Variants in ZNF385D observed in about 807,000 individuals in gnomAD.
The protein encoded by ZNF385D is zinc finger protein 659.
A neutral mutation model predicts 35.8 loss-of-function variants in ZNF385D; 15 were observed. The observed-to-expected ratio is 0.42, with a 90% CI of 0.28 to 0.64. The LOEUF (loss-of-function observed/expected upper bound fraction) is 0.64, where lower values mean the gene tolerates loss of function less well. ZNF385D is among the 30% of genes least tolerant of loss of function. ZNF385D has a pLI of 0.23. For missense variants in ZNF385D, 474 were observed against 494.6 expected, an observed-to-expected ratio of 0.96 and a Z score of 0.39; for synonymous variants, 212 against 186.8, an observed-to-expected ratio of 1.13 and a Z score of -1.10.
chr3:21,629,386 G>T (rs1347124500), intron 2 of ZNF385D, among the ~76,000 whole-genome samples: 1 of 152,000 alleles, frequency 6.6e-6, no homozygotes, highest in East Asian at 1.9e-4. Context: ...TTTTCTCCAG[G>T]CTTATTTGTC....
chr3:21,720,773 T>C (rs1400312992), intron 1 of ZNF385D, among the ~76,000 whole-genome samples: 1 of 152,240 alleles, frequency 6.6e-6, no homozygotes, highest in Non-Finnish European at 1.5e-5. Flanking sequence ...GTTAACAATA[T>C]GTTTGCCCCA....
At chr3:22,248,232 C>T (rs939106399) in intron 2 of ZNF385D, among the ~76,000 whole-genome samples, 2 of 152,150 alleles carry the variant, frequency 1.3e-5, no homozygotes, top group African/African-American at 4.8e-5. Flanking sequence ...TCACCAATCA[C>T]CTGCAAGGCA....
chr3:21,972,487 A>C (rs1055461772), intron 3 of ZNF385D, among the ~76,000 whole-genome samples: 4 of 152,006 alleles, frequency 2.6e-5, no homozygotes, highest in South Asian at 2.1e-4. Flanking sequence ...AAAAGTGTTA[A>C]AACTTCAAAT....
intron 3 of ZNF385D, among the ~76,000 whole-genome samples, chr3:21,946,732 T>C (rs1701805966): frequency 6.6e-6 from 1 of 152,146 alleles, no homozygotes. Context: ...CTAGGGAGGC[T>C]GAAGCAGGAG....
chr3:21,451,552 C>A (rs1256418279), intron 4 of ZNF385D, among the ~76,000 whole-genome samples: 1 of 151,988 alleles, frequency 6.6e-6, no homozygotes, highest in Non-Finnish European at 1.5e-5. Context: ...TTTTAGAGAT[C>A]CTTATTCTAA....
Position 21,984,574 on chromosome 3 carries a change from T to C in ZNF385D, c.325+184243A>G, listed in dbSNP as rs367748053. 9.1e-3 allele frequency among the ~76,000 whole-genome samples: 1,026 copies of C among 113,106 alleles called. 35 individuals are homozygous for C. The highest frequency in any genetic ancestry group is 0.035 in the African/African-American group (926 of 26,702). The allele number at this position is 113,106 out of a possible 152,430, so 74.2% of individuals were successfully genotyped here. On this transcript the variant is annotated intron_variant, in intron 3 of 5. Coordinates refer to the ZNF385D transcript ENST00000494108. The stretch of plus-strand genomic sequence containing the variant: ...TGCTGTTTTGGTTACTGTAGCCTTG[T>C]AGTATAGTTTGAAGTCAGGTAGTGT...
At chr3:22,126,941 T>G (rs1235713482) in intron 3 of ZNF385D, among the ~76,000 whole-genome samples, 3 of 152,142 alleles carry the variant, frequency 2.0e-5, no homozygotes, top group Non-Finnish European at 4.4e-5. Context: ...CTTTGTCCCT[T>G]TTTTGTGATT....
intron 2 of ZNF385D, among the ~76,000 whole-genome samples, chr3:22,281,882 T>C (rs927621241): frequency 6.6e-6 from 1 of 151,902 alleles, no homozygotes; most frequent in African/African-American, 2.4e-5. Flanking sequence ...CATTTTTTGT[T>C]GGTGGTGGTG....
intron 3 of ZNF385D, among the ~76,000 whole-genome samples, chr3:21,875,824 C>T (rs921815271): frequency 5.5e-5 from 6 of 108,606 alleles, no homozygotes; most frequent in African/African-American, 2.0e-4. Flanking sequence ...CTTATGGAAG[C>T]ACTACTCAAA....
intron 3 of ZNF385D, among the ~76,000 whole-genome samples, chr3:21,772,731 G>C (rs1027314938): frequency 1.3e-5 from 2 of 151,868 alleles, no homozygotes; most frequent in Non-Finnish European, 2.9e-5. Context: ...AAATGAAATA[G>C]AGTTGCAAAG....
intron 3 of ZNF385D, among the ~76,000 whole-genome samples, chr3:21,786,121 A>G (rs1248096822): frequency 6.6e-6 from 1 of 152,154 alleles, no homozygotes. Flanking sequence ...AGAGGTTCAT[A>G]AACTGTTCAA....
intron 3 of ZNF385D, among the ~76,000 whole-genome samples, chr3:22,075,389 C>G (rs753690234): frequency 4.6e-5 from 7 of 151,874 alleles, no homozygotes; most frequent in Admixed American, 1.3e-4. Context: ...AATCTGATTC[C>G]TATTCTCAAC....
chr3:22,078,782 CT>C (rs548600556), intron 3 of ZNF385D, among the ~76,000 whole-genome samples: 52 of 152,074 alleles, frequency 3.4e-4, no homozygotes, highest in Non-Finnish European at 6.3e-4. Context: ...TTGAAAATAA[CT>C]TTTTTTAATA....
intron 3 of ZNF385D, among the ~76,000 whole-genome samples, chr3:21,932,044 G>A (rs748216831): frequency 4.6e-5 from 7 of 151,774 alleles, no homozygotes; most frequent in Non-Finnish European, 1.0e-4. Context: ...GCGGGCACCT[G>A]TGGTCCCAGC....
chr3:22,215,102 C>T (rs1254663375), intron 2 of ZNF385D, among the ~76,000 whole-genome samples: 2 of 151,968 alleles, frequency 1.3e-5, no homozygotes, highest in African/African-American at 4.8e-5. Flanking sequence ...TAGAAAAAAA[C>T]CTACTTGAAA....
At position 21,751,020 on chromosome 3, in the gene ZNF385D, C is replaced by T. The variant is rs2070050289; in HGVS notation, c.-104G>A. Reference sequence around the variant, plus strand: ...TTCATGCTACATTCGGTGGAAATGTCCCCGGCGTGGAGAGCAGTGAGCGCC... The same window carrying T: ...TTCATGCTACATTCGGTGGAAATGTTCCCGGCGTGGAGAGCAGTGAGCGCC... On this transcript the variant is annotated 5_prime_UTR_variant, in exon 1 of 8. Transcript: ENST00000281523. 3 of 1,600,636 alleles carry T rather than the reference C, an allele frequency of 1.9e-6. No individual in the cohort carries two copies. The highest frequency in any genetic ancestry group is 1.7e-5 in the Admixed American group (1 of 58,518).
intron 3 of ZNF385D, among the ~76,000 whole-genome samples, chr3:21,962,326 T>C (rs997017473): frequency 2.6e-5 from 4 of 152,024 alleles, no homozygotes; most frequent in Non-Finnish European, 4.4e-5. Context: ...TTCTAGGTTA[T>C]CAATGGAAAC....
intron 2 of ZNF385D, among the ~76,000 whole-genome samples, chr3:21,595,150 G>T (rs188425402): frequency 6.6e-6 from 1 of 152,248 alleles, no homozygotes; most frequent in East Asian, 1.9e-4. Context: ...ACTTTTATCA[G>T]ATATCCATCA....
At chr3:21,708,128 G>C (rs2067974389) in intron 1 of ZNF385D, among the ~76,000 whole-genome samples, 1 of 152,098 alleles carries the variant, frequency 6.6e-6, no homozygotes, top group South Asian at 2.1e-4. Flanking sequence ...TCTAATATTA[G>C]GTCAAAGATC....
Sources: gnomAD v4.1 joint callset for allele counts (sites outside exome capture counted in the v4.1 genomes callset) on GRCh38, gnomAD v4.1.1 for gene constraint, MANE v1.5 for transcripts, NCBI Gene and HGNC (gene_info 2026-07-23, HGNC 2026-07-21) for gene names.